Variants in VPS13C observed in about 807,000 individuals in gnomAD.
VPS13C encodes vacuolar protein sorting 13 homolog C.
In VPS13C, 358 loss-of-function variants were observed where a neutral mutation model predicts 456.8. That is an observed-to-expected ratio of 0.78 (90% CI 0.72 to 0.86). The LOEUF is 0.86. Ranked by LOEUF, VPS13C falls within the 40% of genes least tolerant of loss-of-function variation. VPS13C has a pLI of 0.00. For synonymous variants in VPS13C, 1,578 were observed against 1,486.7 expected, an observed-to-expected ratio of 1.06 and a Z score of -1.41; for missense variants, 4,818 against 4,385.4, an observed-to-expected ratio of 1.10 and a Z score of -2.79.
intron 47 of VPS13C, among the ~76,000 whole-genome samples, chr15:61,938,373 C>T (rs1286544902): frequency 6.6e-6 from 1 of 152,128 alleles, no homozygotes; most frequent in Non-Finnish European, 1.5e-5. Context: ...GTATCACCTG[C>T]CTGATACCCT....
chr15:61,958,569 G>C (rs1409782182), intron 37 of VPS13C, 39 bp downstream of exon 37: 1 of 1,075,574 alleles, frequency 9.3e-7, no homozygotes, highest in Admixed American at 2.6e-5. Flanking sequence ...TAAATAAATA[G>C]ACACATATGT....
chr15:61,934,857 T>G (rs2044173961), intron 48 of VPS13C, among the ~76,000 whole-genome samples: 1 of 152,128 alleles, frequency 6.6e-6, no homozygotes, highest in African/African-American at 2.4e-5. Flanking sequence ...TTCATGCCAT[T>G]CTCCTGCCTC....
chr15:61,964,857 G>A lies in VPS13C; in HGVS notation c.3056C>T (p.Ala1019Val), dbSNP rs368674639. The A allele has an allele frequency of 1.3e-6, 2 of 1,597,710 alleles. No individual in the cohort carries two copies. The highest frequency in any genetic ancestry group is 1.4e-5 in the African/African-American group (1 of 73,576). Residue 1019 changes from alanine (A) to valine (V), a missense_variant, in exon 31 of 85, where the codon GCC (alanine) becomes GTC (valine). Transcript: ENST00000644861. Reference protein sequence around the residue: ...FGKTEQTVKVAFSSLNLLLQT... With the variant: ...FGKTEQTVKVVFSSLNLLLQT... ...CAGCAACAGATTTAAAGATGAAAAG[G>A]CCACCTAAAAATGTTTTAAAGAGAA... is the stretch of plus-strand genomic sequence containing the variant.
chr15:61,917,406 T>C lies in VPS13C; in HGVS notation c.7990A>G (p.Ile2664Val). 2 of 1,614,014 alleles carry C rather than the reference T, an allele frequency of 1.2e-6. No individual in the cohort carries two copies. The highest frequency in any genetic ancestry group is 1.1e-5 in the South Asian group (1 of 91,074). The change falls in exon 60 of 85, where the codon ATT (isoleucine) becomes GTT (valine). Residue 2664 changes from isoleucine (I) to valine (V), a missense_variant. Around this residue, in one of 3 missense-constraint regions of VPS13C, gnomAD observed 4,552 missense variants for 4,130.6 expected, o/e 1.10. Coordinates refer to ENST00000644861, the MANE Select transcript of VPS13C (RefSeq NM_020821.3). ...AAAGTGAGAGAAGGATAAAGATGAA[T>C]AATGTAAGCTACATCCCAGTCTTCC... Reference protein sequence around the residue: ...HGEDWDVAYIIHLYPSLTLRN... With the variant: ...HGEDWDVAYIVHLYPSLTLRN...
At position 61,934,340 on chromosome 15, in the gene VPS13C, G is replaced by GA; in HGVS notation, c.5756-10dup. On this transcript the variant is annotated splice_polypyrimidine_tract_variant and intron_variant, in intron 48 of 84. Coordinates refer to ENST00000644861, the MANE Select transcript of VPS13C (RefSeq NM_020821.3). ...TGTCCAATCTTCTTGTTCTAATGGTGAAAATTTAAAAGCTTTTAAGTAGGT... is the reference window on the plus strand; with the variant it reads ...TGTCCAATCTTCTTGTTCTAATGGTGAAAAATTTAAAAGCTTTTAAGTAGGT... 6.8e-7 allele frequency: 1 copy of GA among 1,476,560 alleles called. No homozygotes were observed. The allele number at this position is 1,476,560 out of a possible 1,614,324, so 91.5% of individuals were successfully genotyped here.
chr15:61,992,976 A>G (rs890652163), intron 16 of VPS13C, among the ~76,000 whole-genome samples: 2 of 152,150 alleles, frequency 1.3e-5, no homozygotes, highest in African/African-American at 4.8e-5. Context: ...ATCATGATAA[A>G]GGGAATTAAC....
chr15:61,866,006 C>T (rs1283738442), intron 81 of VPS13C: 30 of 983,534 alleles, frequency 3.1e-5, no homozygotes, highest in Non-Finnish European at 3.5e-5. Context: ...TACTTTTATA[C>T]TCTAATACTC....
chr15:61,999,942 C>G (rs72749745), intron 16 of VPS13C, among the ~76,000 whole-genome samples: 3 of 148,106 alleles, frequency 2.0e-5, no homozygotes, highest in Non-Finnish European at 4.5e-5. Flanking sequence ...AGCATAAATA[C>G]GCAGGTATAT....
chr15:61,982,855 A>G (rs888193331), intron 20 of VPS13C, among the ~76,000 whole-genome samples: 1 of 152,212 alleles, frequency 6.6e-6, no homozygotes, highest in Non-Finnish European at 1.5e-5. Context: ...TTCTAGATTT[A>G]GCCTCCAATT....
At chr15:61,906,426 T>A (rs1266561772) in intron 66 of VPS13C, among the ~76,000 whole-genome samples, 1 of 152,156 alleles carries the variant, frequency 6.6e-6, no homozygotes, top group Admixed American at 6.6e-5. Flanking sequence ...ACACAGACCT[T>A]GATATCCTCC....
chr15:61,961,394 AACACACACACACACAC>A (rs66786972), intron 35 of VPS13C, among the ~76,000 whole-genome samples, 179 bp downstream of exon 35: 59 of 132,706 alleles, frequency 4.4e-4, no homozygotes, highest in African/African-American at 1.0e-3. Flanking sequence ...TCCAACTCAA[AACACACACACACACAC>A]ACACACACAC....
chr15:61,914,547 CA>C, intron 61 of VPS13C, among the ~76,000 whole-genome samples: 1 of 151,646 alleles, frequency 6.6e-6, no homozygotes. Context: ...CCAGCCTGGG[CA>C]ACAAGAACAA....
In VPS13C at chr15:62,007,533, C is replaced by T. The variant is rs2046894775; in HGVS notation, c.1119-54G>A. 2.8e-6 allele frequency: 4 copies of T among 1,412,566 alleles called. No individual in the cohort carries two copies. In the East Asian group the frequency reaches 1.0e-4, roughly 36 times the overall value. The allele number at this position is 1,412,566 out of a possible 1,614,324, so 87.5% of individuals were successfully genotyped here. A position where few individuals can be genotyped will look rare whatever the true frequency, so the allele number is the denominator to read the frequency against. On this transcript the variant is annotated intron_variant, in intron 14 of 84. Transcript: ENST00000644861. ...GTTAATATAAAGGTTTAAGAGAAAA[C>T]AGGAAAAGTCTTGACATTTTAGATC...
chr15:62,048,152 T>C (rs920953537), intron 1 of VPS13C, among the ~76,000 whole-genome samples: 27 of 150,790 alleles, frequency 1.8e-4, no homozygotes, highest in Admixed American at 4.0e-4. Context: ...ATGTGCACAA[T>C]GTGCAGGTTT....
rs546299639 is a variant in VPS13C at position 61,854,714 on chromosome 15, C to G, written c.11161-156G>C. Among the ~76,000 whole-genome samples the G allele has an allele frequency of 2.0e-5, 3 of 152,280 alleles. No individual in the cohort carries two copies. The East Asian group carries it at 5.8e-4, about 29-fold the overall frequency. On this transcript the variant is annotated intron_variant, in intron 84 of 84. Coordinates refer to ENST00000644861, the MANE Select transcript of VPS13C (RefSeq NM_020821.3). The stretch of plus-strand genomic sequence containing the variant: ...AGATGTGTCATATAAAAATAAGACC[C>G]TTGCACCCGACTGAGTCCACAGCAT...
At position 61,915,707 on chromosome 15, in the gene VPS13C, C is replaced by T. The variant is rs144767352; in HGVS notation, c.8371G>A (p.Val2791Met). 39 of 1,612,654 alleles carry T rather than the reference C, an allele frequency of 2.4e-5. No individual in the cohort carries two copies. The African/African-American group carries it at 4.8e-4, about 20-fold the overall frequency. ...VLQYRSEDIH[V>M]KHPADFRDII... ...TCCCTGAAATCAGCTGGATGTTTCA[C>T]ATGAATATCTTCTGAACGATACTGG... The change falls in exon 61 of 85, where the codon GTG (valine) becomes ATG (methionine). Residue 2791 changes from valine to methionine, a missense_variant. Coordinates refer to ENST00000644861, the MANE Select transcript of VPS13C (RefSeq NM_020821.3).
intron 15 of VPS13C, among the ~76,000 whole-genome samples, chr15:62,001,493 G>A (rs548168203): frequency 6.6e-6 from 1 of 151,764 alleles, no homozygotes; most frequent in East Asian, 1.9e-4. Context: ...TATTTTTTTT[G>A]ATTATTTGTT....
chr15:62,004,426 T>C (rs1304210763), intron 15 of VPS13C, among the ~76,000 whole-genome samples: 6 of 152,018 alleles, frequency 3.9e-5, no homozygotes, highest in Non-Finnish European at 1.5e-5. Flanking sequence ...TCTTTATTAG[T>C]CTTGCTAGCA....
intron 84 of VPS13C, 62 bp from the exon 85 acceptor site, chr15:61,854,620 G>T: frequency 6.6e-7 from 1 of 1,524,886 alleles, no homozygotes; most frequent in Non-Finnish European, 9.1e-7. Flanking sequence ...TGGTTGAAGG[G>T]AAAGGTATGA....
Sources: allele counts gnomAD v4.1 joint callset (sites outside exome capture counted in the v4.1 genomes callset), GRCh38; gene constraint gnomAD v4.1.1; regional missense constraint gnomAD v4.1.1; transcripts MANE v1.5; gene names NCBI Gene and HGNC (gene_info 2026-07-23, HGNC 2026-07-21).